Variants in CPM observed in about 807,000 individuals in gnomAD.
CPM encodes the protein carboxypeptidase M.
CPM carries 35 observed loss-of-function variants against 46.4 expected under a neutral mutation model. The ratio of observed to expected loss-of-function variants is 0.75; its 90% CI spans 0.58 to 1.00. The LOEUF is 1.00. Among genes scored for constraint, CPM ranks in the 50% least tolerant of loss-of-function variants. CPM has a pLI of 0.00. For missense variants in CPM, 422 were observed against 530.4 expected (o/e 0.80, Z 2.01); for synonymous variants, 195 against 195.3 (o/e 1.00, Z 0.01).
intron 2 of CPM, among the ~76,000 whole-genome samples, chr12:68,905,933 G>A (rs372982599): frequency 6.6e-6 from 1 of 152,146 alleles, no homozygotes; most frequent in African/African-American, 2.4e-5. Context: ...CACTGGGGAA[G>A]TCAGATAAGC....
At chr12:68,943,652 T>G (rs2136331675) in intron 1 of CPM, among the ~76,000 whole-genome samples, 1 of 152,322 alleles carries the variant, frequency 6.6e-6, no homozygotes, top group Non-Finnish European at 1.5e-5. Flanking sequence ...TTGTTTATAT[T>G]ATAGATTTGC....
chr12:68,861,606 T>C (rs1196277), intron 7 of CPM, among the ~76,000 whole-genome samples: 125,275 of 151,216 alleles, frequency 0.83, 52,348 homozygotes, highest in East Asian at 0.96. Flanking sequence ...CTCAGCTCAC[T>C]GCAACCTCTG....
At chr12:68,935,044 G>C (rs1003136911), upstream of CPM, among the ~76,000 whole-genome samples, 11 of 151,932 alleles carry the variant, frequency 7.2e-5, no homozygotes, top group African/African-American at 2.7e-4. Flanking sequence ...CGAGTAGCTC[G>C]GATTACAGGC....
At chr12:68,893,520 G>A (rs536555055) in intron 2 of CPM, among the ~76,000 whole-genome samples, 3 of 152,272 alleles carry the variant, frequency 2.0e-5, no homozygotes, top group Admixed American at 1.3e-4. Flanking sequence ...GTGTCCCAGG[G>A]GTCTTGTGCT....
chr12:68,945,846 C>CTTTTTTTTTTT (rs1170064808), intron 1 of CPM, among the ~76,000 whole-genome samples: 12 of 88,468 alleles, frequency 1.4e-4, no homozygotes, highest in South Asian at 4.4e-4. Flanking sequence ...TTCTTTCTTT[C>CTTTTTTTTTTT]TTTTTTTTTT....
At chr12:68,946,019 A>C (rs1888841206) in intron 1 of CPM, among the ~76,000 whole-genome samples, 2 of 151,178 alleles carry the variant, frequency 1.3e-5, no homozygotes, top group African/African-American at 4.9e-5. Context: ...CACCCAGCTA[A>C]TTTTTAAATA....
At chr12:68,913,861 A>C in intron 2 of CPM, 1 of 664,744 alleles carries the variant, frequency 1.5e-6, no homozygotes. Flanking sequence ...GGATGCGGGG[A>C]ATTACATCAA....
At chr12:68,931,586 T>C (rs1888501150) in intron 2 of CPM, among the ~76,000 whole-genome samples, 1 of 151,112 alleles carries the variant, frequency 6.6e-6, no homozygotes, top group South Asian at 2.1e-4. Flanking sequence ...CTACTAAAAA[T>C]ACAAAAAAAT....
intron 2 of CPM, among the ~76,000 whole-genome samples, chr12:68,927,944 C>T (rs1378720155): frequency 6.6e-6 from 1 of 152,076 alleles, no homozygotes; most frequent in Non-Finnish European, 1.5e-5. Context: ...GGCCATACTG[C>T]CCAAGGTAAT....
Position 68,854,770 on chromosome 12 carries a change from G to A in CPM, c.*1667C>T, listed in dbSNP as rs1007808772. Reference sequence around the variant, plus strand: ...GGGAGCAAGGGACCAGTAAGCTGTTGCAGCAGTGCAGGTGAGATATGAGGC... The same window carrying A: ...GGGAGCAAGGGACCAGTAAGCTGTTACAGCAGTGCAGGTGAGATATGAGGC... On this transcript the variant is annotated 3_prime_UTR_variant, in exon 9 of 9. Coordinates refer to ENST00000551568, the MANE Select transcript of CPM (RefSeq NM_198320.5). 3.9e-5 allele frequency: 6 copies of A among 152,412 alleles called. No homozygotes were observed. Among genetic ancestry groups the A allele is most frequent in the Admixed American group, 2.6e-4 (4 of 15,282 alleles). The allele number at this position is 152,412 out of a possible 1,614,324, so 9.4% of individuals were successfully genotyped here. A position where few individuals can be genotyped will look rare whatever the true frequency, so the allele number is the denominator to read the frequency against.
upstream of CPM, among the ~76,000 whole-genome samples, chr12:68,936,470 A>G (rs1421556781): frequency 3.1e-4 from 47 of 151,942 alleles, no homozygotes; most frequent in Non-Finnish European, 5.9e-5. Context: ...TGCAACCTCC[A>G]CCTCCCGGGT....
chr12:68,870,659 G>A (rs1356650726), intron 4 of CPM, among the ~76,000 whole-genome samples: 1 of 152,216 alleles, frequency 6.6e-6, no homozygotes, highest in South Asian at 2.1e-4. Context: ...TTGTATTTGG[G>A]ACTTCTGCTC....
chr12:68,897,440 T>C (rs577931198), intron 2 of CPM, among the ~76,000 whole-genome samples: 41 of 152,234 alleles, frequency 2.7e-4, no homozygotes, highest in Non-Finnish European at 2.9e-4. Context: ...AATTCAGCTG[T>C]ACTAAGAGCG....
chr12:68,911,284 G>C (rs1395483989), intron 2 of CPM, among the ~76,000 whole-genome samples: 2 of 152,130 alleles, frequency 1.3e-5, no homozygotes, highest in Non-Finnish European at 2.9e-5. Flanking sequence ...ATAAAATAGA[G>C]GGTCTGTCCA....
At chr12:68,863,215 T>C (rs906605965) in intron 7 of CPM, among the ~76,000 whole-genome samples, 2 of 152,222 alleles carry the variant, frequency 1.3e-5, no homozygotes, top group Admixed American at 1.3e-4. Flanking sequence ...GATTCTTTTA[T>C]GCCCAGGTTG....
At chr12:68,938,900 CAT>C (rs986683191) in intron 1 of CPM, among the ~76,000 whole-genome samples, 4 of 147,088 alleles carry the variant, frequency 2.7e-5, no homozygotes, top group African/African-American at 7.5e-5. Flanking sequence ...TATGTACATA[CAT>C]ATATATGTAT....
chr12:68,932,629 G>A, intron 2 of CPM, 49 bp downstream of exon 2: 2 of 1,605,226 alleles, frequency 1.2e-6, no homozygotes, highest in Non-Finnish European at 1.7e-6. Context: ...AATGAATACT[G>A]AAAGGGAGGA....
upstream of CPM, among the ~76,000 whole-genome samples, chr12:68,935,365 AT>A (rs1176587126): frequency 1.3e-5 from 2 of 152,074 alleles, no homozygotes; most frequent in African/African-American, 2.4e-5. Context: ...GGTTCAAGCG[AT>A]TCTTGTGTTT....
In CPM at chr12:68,882,024, CTTT is replaced by C. The variant is rs60522842; in HGVS notation, c.258+3765_258+3767del. 5.0e-4 allele frequency among the ~76,000 whole-genome samples: 63 copies of C among 124,766 alleles called. 1 individual carries two copies. The highest frequency in any genetic ancestry group is 1.8e-3 in the African/African-American group (61 of 33,012). The allele number at this position is 124,766 out of a possible 152,430, so 81.9% of individuals were successfully genotyped here. ...GGCGTGAGCCACCACGCCCGGCCTG[CTTT>C]TTTTTTTTTTTTTTTTTTTAACATT... On this transcript the variant is annotated intron_variant, in intron 3 of 8. Coordinates refer to ENST00000551568, the MANE Select transcript of CPM (RefSeq NM_198320.5).
Sources: allele counts gnomAD v4.1 joint callset (sites outside exome capture counted in the v4.1 genomes callset), GRCh38; gene constraint gnomAD v4.1.1; transcripts MANE v1.5; gene names NCBI Gene and HGNC (gene_info 2026-07-23, HGNC 2026-07-21).